The following EFCAB14 variants were observed in gnomAD, a reference collection of about 807,000 sequenced individuals.
EFCAB14 encodes the protein EF-hand calcium-binding domain-containing protein 14.
In EFCAB14, 43 loss-of-function variants were observed where a neutral mutation model predicts 56.5. The observed-to-expected ratio is 0.76, with a 90% CI of 0.60 to 0.98. The LOEUF (loss-of-function observed/expected upper bound fraction) is 0.98. Ranked by LOEUF, EFCAB14 falls within the 50% of genes least tolerant of loss-of-function variation. The pLI is 0.00. For synonymous variants in EFCAB14, 235 were observed against 212.9 expected (o/e 1.10, Z -0.90); for missense variants, 538 against 580.3 (o/e 0.93, Z 0.75).
At chr1:46,683,958 G>A (rs971014144) in intron 9 of EFCAB14, among the ~76,000 whole-genome samples, 2 of 152,190 alleles carry the variant, frequency 1.3e-5, no homozygotes, top group African/African-American at 4.8e-5. Flanking sequence ...GGGGGAAAAG[G>A]TCAAAGCTAA....
intron 3 of EFCAB14, among the ~76,000 whole-genome samples, chr1:46,703,719 A>C (rs1004067008): frequency 2.0e-5 from 3 of 152,184 alleles, no homozygotes. Flanking sequence ...TATTGTGAAA[A>C]AGACACTGTT....
At chr1:46,713,611 A>G (rs1677343387) in intron 2 of EFCAB14, among the ~76,000 whole-genome samples, 1 of 152,204 alleles carries the variant, frequency 6.6e-6, no homozygotes, top group Admixed American at 6.5e-5. Flanking sequence ...ACAGGTACAG[A>G]GCAGTCAGAA....
At chr1:46,696,019 C>G (rs1158950887) in intron 4 of EFCAB14, among the ~76,000 whole-genome samples, 1 of 152,086 alleles carries the variant, frequency 6.6e-6, no homozygotes, top group Non-Finnish European at 1.5e-5. Context: ...CTAGCAGGAG[C>G]AGGAGTGTTT....
intron 3 of EFCAB14, among the ~76,000 whole-genome samples, chr1:46,707,636 G>T (rs1171651919): frequency 6.6e-6 from 1 of 152,148 alleles, no homozygotes; most frequent in Non-Finnish European, 1.5e-5. Flanking sequence ...AGGAAAGGGT[G>T]ATTCAAGAAA....
intron 2 of EFCAB14, among the ~76,000 whole-genome samples, chr1:46,712,184 T>C (rs1015231786): frequency 5.9e-5 from 9 of 152,218 alleles, no homozygotes; most frequent in African/African-American, 2.2e-4. Flanking sequence ...GATACCTATA[T>C]TCCCTAATGC....
Position 46,686,835 on chromosome 1 carries a change from AG to A in EFCAB14, c.1022del (p.Ser341PhefsTer12), listed in dbSNP as rs1457247077. 1 of 1,613,856 alleles carries A rather than the reference AG, an allele frequency of 6.2e-7. No individual in the cohort carries two copies. On this transcript the variant is annotated frameshift_variant, in exon 8 of 11. Coordinates refer to ENST00000371933, the MANE Select transcript of EFCAB14 (RefSeq NM_014774.3). LOFTEE classifies it high-confidence loss of function. ...GDRSATLKRQ[S>X]LDQVTNRTDT... ...CTGTTCTGTTGGTGACTTGATCCAA[AG>A]ACTGTCTTTTCAGAGTGGCAGATCT...
intron 4 of EFCAB14, among the ~76,000 whole-genome samples, chr1:46,692,887 A>G (rs1426485889): frequency 1.3e-5 from 2 of 152,224 alleles, no homozygotes; most frequent in Non-Finnish European, 2.9e-5. Flanking sequence ...TTCCCTAAAG[A>G]AAAAATATTA....
At chr1:46,699,316 G>A (rs562482050) in intron 3 of EFCAB14, among the ~76,000 whole-genome samples, 3 of 151,752 alleles carry the variant, frequency 2.0e-5, no homozygotes, top group South Asian at 2.1e-4. Context: ...GGGTGGCATC[G>A]GGGGATAGGG....
chr1:46,694,651 A>G (rs1677051611), intron 4 of EFCAB14, among the ~76,000 whole-genome samples: 1 of 152,222 alleles, frequency 6.6e-6, no homozygotes, highest in East Asian at 1.9e-4. Context: ...TAGTTCAACC[A>G]TTGTGGAAGA....
intron 3 of EFCAB14, among the ~76,000 whole-genome samples, chr1:46,700,986 A>AGTGAGTGAGTGAGTGAGTGTGTGT (rs145670885): frequency 2.1e-5 from 3 of 142,844 alleles, no homozygotes; most frequent in African/African-American, 7.7e-5. Flanking sequence ...AGAGTGAGTG[A>AGTGAGTGAGTGAGTGAGTGTGTGT]GTGTGTGTGT....
rs1676678628 is a variant in EFCAB14 at position 46,675,447 on chromosome 1, T to TC, written c.*3013dup. 1 of 152,650 alleles carries TC rather than the reference T, an allele frequency of 6.6e-6. No individual in the cohort carries two copies. The highest frequency in any genetic ancestry group is 2.1e-4 in the South Asian group (1 of 4,824). The allele number at this position is 152,650 out of a possible 1,614,324, so 9.5% of individuals were successfully genotyped here. A position where few individuals can be genotyped will look rare whatever the true frequency, so the allele number is the denominator to read the frequency against. ...GTTTGGATATGAAAGAGGGACCACT[T>TC]CTAGCTGGTGTTGGTAAGCAAGCCA... is the stretch of plus-strand genomic sequence containing the variant. On this transcript the variant is annotated 3_prime_UTR_variant, in exon 11 of 11. Coordinates refer to ENST00000371933, the MANE Select transcript of EFCAB14 (RefSeq NM_014774.3).
At chr1:46,686,625 T>C (rs1676886434) in intron 8 of EFCAB14, 159 bp downstream of exon 8, 3 of 751,460 alleles carry the variant, frequency 4.0e-6, no homozygotes, top group Non-Finnish European at 6.7e-6. Context: ...TAAAAAAGTA[T>C]TCATTTATTC....
chr1:46,699,469 T>C (rs1168731314), intron 3 of EFCAB14, among the ~76,000 whole-genome samples: 3 of 152,182 alleles, frequency 2.0e-5, no homozygotes, highest in African/African-American at 4.8e-5. Flanking sequence ...CATGTCTCTT[T>C]TACTTTCCAC....
chr1:46,702,576 A>T (rs571490234), intron 3 of EFCAB14, among the ~76,000 whole-genome samples: 98 of 152,358 alleles, frequency 6.4e-4, no homozygotes, highest in African/African-American at 2.3e-3. Flanking sequence ...CTCCTACTTC[A>T]TAGGACTGTA....
chr1:46,710,832 G>C (rs538505500), intron 2 of EFCAB14, among the ~76,000 whole-genome samples: 1 of 152,262 alleles, frequency 6.6e-6, no homozygotes, highest in East Asian at 1.9e-4. Flanking sequence ...GATTACAGGC[G>C]TGAGTTACCA....
chr1:46,705,189 T>C (rs970246457), intron 3 of EFCAB14, among the ~76,000 whole-genome samples: 2 of 152,232 alleles, frequency 1.3e-5, no homozygotes, highest in Non-Finnish European at 2.9e-5. Context: ...TGAGCTCCCT[T>C]AGGAAACAAC....
At chr1:46,688,257 C>T in intron 7 of EFCAB14, 96 bp downstream of exon 7, 1 of 1,239,546 alleles carries the variant, frequency 8.1e-7, no homozygotes, top group Non-Finnish European at 1.1e-6. Context: ...TGTGGCCTCT[C>T]AAATATGCCA....
rs1244802269 is a variant in EFCAB14 at position 46,676,129 on chromosome 1, G to A, written c.*2332C>T. The A allele has an allele frequency of 6.6e-6, 1 of 152,218 alleles. No individual in the cohort carries two copies. The highest frequency in any genetic ancestry group is 6.5e-5 in the Admixed American group (1 of 15,288). The allele number at this position is 152,218 out of a possible 1,614,324, so 9.4% of individuals were successfully genotyped here. On this transcript the variant is annotated 3_prime_UTR_variant, in exon 11 of 11. Coordinates refer to ENST00000371933, the MANE Select transcript of EFCAB14 (RefSeq NM_014774.3). The stretch of plus-strand genomic sequence containing the variant: ...ATGGGATGCTTAAGCCAGTGAGTCT[G>A]CTCAACTCAGAAGAAAGGAGTTCAA...
Position 46,677,091 on chromosome 1 carries a change from A to G in EFCAB14, c.*1370T>C, listed in dbSNP as rs1253780878. On this transcript the variant is annotated 3_prime_UTR_variant, in exon 11 of 11. Coordinates refer to ENST00000371933, the MANE Select transcript of EFCAB14 (RefSeq NM_014774.3). ...CCCAAAGACTGCTTCTAAGAACAAC[A>G]CAGCAATTCTAGACTCAACATACAG... The G allele has an allele frequency of 6.6e-6, 1 of 152,606 alleles. No individual in the cohort carries two copies. Among genetic ancestry groups the G allele is most frequent in the Non-Finnish European group, 1.5e-5 (1 of 68,038 alleles). 9.5% of individuals were successfully genotyped at this position (152,606 alleles called of 1,614,324 possible).
Sources: gnomAD v4.1 joint callset for allele counts (sites outside exome capture counted in the v4.1 genomes callset) on GRCh38, gnomAD v4.1.1 for gene constraint, MANE v1.5 for transcripts, NCBI Gene and HGNC (gene_info 2026-07-23, HGNC 2026-07-21) for gene names.